MC2R: variants seen among roughly 807,000 people sequenced by gnomAD.
The protein encoded by MC2R is melanocortin 2 receptor.
In MC2R, 9 loss-of-function variants were observed where a neutral mutation model predicts 9.8. The observed-to-expected ratio is 0.92, with a 90% CI of 0.55 to 1.60. MC2R has a LOEUF of 1.60. Ranked by LOEUF, MC2R falls within the 40% of genes most tolerant of loss-of-function variation. The pLI is 0.00. For synonymous variants in MC2R, 185 were observed against 154.7 expected (o/e 1.20, Z -1.45); for missense variants, 370 against 389.0 (o/e 0.95, Z 0.41).
At chr18:13,892,233 G>C (rs1342695043) in intron 1 of MC2R, among the ~76,000 whole-genome samples, 4 of 152,184 alleles carry the variant, frequency 2.6e-5, no homozygotes, top group Non-Finnish European at 5.9e-5. Flanking sequence ...TGGCAAGTCA[G>C]AATGAAGGTG....
At chr18:13,913,760 A>T (rs2045460349) in intron 1 of MC2R, among the ~76,000 whole-genome samples, 1 of 152,156 alleles carries the variant, frequency 6.6e-6, no homozygotes, top group African/African-American at 2.4e-5. Context: ...CTGCCCCCGC[A>T]TCCCAAGGGA....
intron 1 of MC2R, among the ~76,000 whole-genome samples, chr18:13,891,233 G>A (rs2045314077): frequency 6.6e-6 from 1 of 152,174 alleles, no homozygotes; most frequent in Non-Finnish European, 1.5e-5. Flanking sequence ...TTTCCAAAAA[G>A]TAGATGGATC....
chr18:13,899,253 T>C (rs561778871), intron 1 of MC2R, among the ~76,000 whole-genome samples: 1 of 152,048 alleles, frequency 6.6e-6, no homozygotes, highest in Non-Finnish European at 1.5e-5. Context: ...AATAGCAGAA[T>C]TGATGAAGCA....
chr18:13,899,611 G>A (rs1170758281), intron 1 of MC2R, among the ~76,000 whole-genome samples: 4 of 152,112 alleles, frequency 2.6e-5, no homozygotes, highest in African/African-American at 9.7e-5. Context: ...GATCCTAAAA[G>A]CAGCAAGAGA....
intron 1 of MC2R, among the ~76,000 whole-genome samples, chr18:13,895,794 AC>A (rs2045342688): frequency 2.0e-5 from 3 of 151,946 alleles, no homozygotes; most frequent in African/African-American, 4.8e-5. Flanking sequence ...GAGCTGAAAT[AC>A]CACTGGCACT....
intron 1 of MC2R, among the ~76,000 whole-genome samples, chr18:13,895,762 G>A (rs2045342512): frequency 6.6e-6 from 1 of 152,192 alleles, no homozygotes; most frequent in Admixed American, 6.5e-5. Context: ...CTGCATGTGG[G>A]ACTGAAAGTG....
chr18:13,904,716 A>G (rs768504243), intron 1 of MC2R, among the ~76,000 whole-genome samples: 3 of 152,144 alleles, frequency 2.0e-5, no homozygotes, highest in Admixed American at 6.5e-5. Context: ...CCAATGGAGC[A>G]GAACAGAGAC....
At chr18:13,886,672 C>A (rs932581630) in intron 1 of MC2R, among the ~76,000 whole-genome samples, 1 of 152,146 alleles carries the variant, frequency 6.6e-6, no homozygotes, top group Non-Finnish European at 1.5e-5. Context: ...AAAGGTGGAG[C>A]TCCTGGGACT....
At position 13,882,316 on chromosome 18, in the gene MC2R, TGA is replaced by T. The variant is rs2045237125; in HGVS notation, c.*2307_*2308del. On this transcript the variant is annotated 3_prime_UTR_variant, in exon 2 of 2. Transcript: ENST00000327606. The stretch of plus-strand genomic sequence containing the variant: ...ATATGAAGTTAGAGGTAGAAAAACG[TGA>T]GTTTTCTCAGTAACTATGAGCCCTG... The T allele has an allele frequency of 6.6e-6, 1 of 152,202 alleles. No homozygotes were observed. Among genetic ancestry groups the T allele is most frequent in the Non-Finnish European group, 1.5e-5 (1 of 68,042 alleles). The allele number at this position is 152,202 out of a possible 1,614,324, so 9.4% of individuals were successfully genotyped here.
chr18:13,915,569 T>TGGGCCGGGAA (rs2045471108), upstream of MC2R: 1 of 152,988 alleles, frequency 6.5e-6, no homozygotes, highest in Admixed American at 6.5e-5. Flanking sequence ...AAGTGGACCT[T>TGGGCCGGGAA]GGGCCGGGAA....
At chr18:13,908,131 A>C (rs1279584104) in intron 1 of MC2R, among the ~76,000 whole-genome samples, 1 of 152,264 alleles carries the variant, frequency 6.6e-6, no homozygotes, top group East Asian at 1.9e-4. Context: ...ACTCGACCTA[A>C]GTGTCCATCA....
chr18:13,899,892 T>G (rs746907846), intron 1 of MC2R, among the ~76,000 whole-genome samples: 4 of 152,164 alleles, frequency 2.6e-5, no homozygotes, highest in African/African-American at 7.2e-5. Flanking sequence ...AGGATGTTAA[T>G]GAGCAATAAG....
intron 1 of MC2R, among the ~76,000 whole-genome samples, chr18:13,893,949 A>G (rs889797442): frequency 6.6e-6 from 1 of 152,212 alleles, no homozygotes; most frequent in African/African-American, 2.4e-5. Context: ...TGGCCTAAGC[A>G]ATATTACATT....
At chr18:13,909,170 T>G (rs1006365773) in intron 1 of MC2R, among the ~76,000 whole-genome samples, 3 of 152,234 alleles carry the variant, frequency 2.0e-5, no homozygotes, top group African/African-American at 7.2e-5. Flanking sequence ...CTTGAAATTT[T>G]TAAGGAGTAC....
rs1202134952 is a variant in MC2R, at chr18:13,884,335, G to A, written c.*290C>T. 5 of 454,608 alleles carry A rather than the reference G, an allele frequency of 1.1e-5. No individual in the cohort carries two copies. In the East Asian group the frequency reaches 1.7e-4, roughly 15 times the overall value. 28.2% of individuals were successfully genotyped at this position (454,608 alleles called of 1,614,324 possible). On this transcript the variant is annotated 3_prime_UTR_variant, in exon 2 of 2. Transcript: ENST00000327606. Reference sequence around the variant, plus strand: ...AAAGTAATTGCAATTTTTGGTCATTGAAAGTAATGGCAAAAACCTTAATTA... The same window carrying A: ...AAAGTAATTGCAATTTTTGGTCATTAAAAGTAATGGCAAAAACCTTAATTA...
chr18:13,897,801 A>T (rs752472675), intron 1 of MC2R, among the ~76,000 whole-genome samples: 1 of 151,674 alleles, frequency 6.6e-6, no homozygotes. Flanking sequence ...CTTGAAGGGA[A>T]GGAACCAGTT....
chr18:13,890,860 G>C (rs1051713005), intron 1 of MC2R, among the ~76,000 whole-genome samples: 1 of 145,486 alleles, frequency 6.9e-6, no homozygotes, highest in Non-Finnish European at 1.5e-5. Context: ...TCAGTCGTTA[G>C]GGTTTCTGGG....
chr18:13,887,154 CT>C (rs1319636928), intron 1 of MC2R, among the ~76,000 whole-genome samples: 2 of 150,250 alleles, frequency 1.3e-5, no homozygotes, highest in Non-Finnish European at 3.0e-5. Context: ...GTCCCACCTG[CT>C]GGGGAAGCCT....
Position 13,915,071 on chromosome 18 carries a change from G to A in MC2R, c.-129+417C>T, listed in dbSNP as rs145230454. On this transcript the variant is annotated intron_variant, in intron 1 of 1. Transcript: ENST00000327606. ...GTTCAGGAAGCTGCCGCATGCCCAC[G>A]TCTTTGTGGCGCTAAAACCCCCGCA... Among the ~76,000 whole-genome samples the A allele has an allele frequency of 3.9e-3, 598 of 152,236 alleles. 3 individuals carry two copies. The highest frequency in any genetic ancestry group is 9.6e-3 in the African/African-American group (398 of 41,532).
Sources: allele counts gnomAD v4.1 joint callset (sites outside exome capture counted in the v4.1 genomes callset), GRCh38; gene constraint gnomAD v4.1.1; transcripts MANE v1.5; gene names NCBI Gene and HGNC (gene_info 2026-07-23, HGNC 2026-07-21).